The following TATDN1 variants were observed in gnomAD, a reference collection of about 807,000 sequenced individuals.
TATDN1 encodes the protein TatD DNase domain containing 1.
TATDN1 carries 40 observed loss-of-function variants against 46.4 expected under a neutral mutation model. The ratio of observed to expected loss-of-function variants is 0.86; its 90% CI spans 0.67 to 1.12. The LOEUF (loss-of-function observed/expected upper bound fraction) is 1.12, where lower values mean the gene tolerates loss of function less well. TATDN1 is among the 50% of genes most tolerant of loss of function. TATDN1 has a pLI of 0.00. For synonymous variants in TATDN1, 95 were observed against 105.6 expected (o/e 0.90, Z 0.62); for missense variants, 326 against 348.4 (o/e 0.94, Z 0.51).
intron 4 of TATDN1, 57 bp downstream of exon 4, chr8:124,518,761 G>C (rs1315957909): frequency 7.7e-7 from 1 of 1,292,840 alleles, no homozygotes; most frequent in Non-Finnish European, 1.1e-6. Context: ...TTTTCAGAAA[G>C]ACTTCTTCAA....
intron 1 of TATDN1, among the ~76,000 whole-genome samples, chr8:124,526,246 G>A (rs904448478): frequency 1.3e-5 from 2 of 152,324 alleles, no homozygotes; most frequent in African/African-American, 4.8e-5. Flanking sequence ...AAGGCAACTT[G>A]GAAGTGTGTC....
chr8:124,513,594 G>A (rs1819215333), intron 6 of TATDN1, among the ~76,000 whole-genome samples: 1 of 152,312 alleles, frequency 6.6e-6, no homozygotes, highest in Admixed American at 6.5e-5. Context: ...AAGATCAGAC[G>A]CTATTCTGAT....
In TATDN1 at chr8:124,530,733, T is replaced by G. The variant is rs775980512; in HGVS notation, c.23-7731A>C. On this transcript the variant is annotated intron_variant, in intron 1 of 11. Coordinates refer to ENST00000276692, the MANE Select transcript of TATDN1 (RefSeq NM_032026.4). The stretch of plus-strand genomic sequence containing the variant: ...CACAGGTAGCTAAACATCGAAGTTA[T>G]CTAGCAGAAAGGCATGGAACAAATT... Among the ~76,000 whole-genome samples the G allele has an allele frequency of 1.3e-4, 20 of 152,202 alleles. 1 individual carries two copies. Among genetic ancestry groups the G allele is most frequent in the Non-Finnish European group, 5.9e-5 (4 of 68,042 alleles).
chr8:124,499,797 G>A (rs567671931), intron 9 of TATDN1, among the ~76,000 whole-genome samples: 64 of 151,620 alleles, frequency 4.2e-4, no homozygotes, highest in African/African-American at 1.5e-3. Flanking sequence ...GCCCACCTCA[G>A]CCTCCCAAAG....
intron 3 of TATDN1, among the ~76,000 whole-genome samples, chr8:124,519,091 G>A (rs1271632513): frequency 6.6e-6 from 1 of 152,172 alleles, no homozygotes; most frequent in Non-Finnish European, 1.5e-5. Context: ...GTGTGTGCAT[G>A]TAGAGGTGCA....
intron 11 of TATDN1, among the ~76,000 whole-genome samples, chr8:124,493,280 G>A (rs545585729): frequency 1.8e-4 from 28 of 152,234 alleles, no homozygotes; most frequent in African/African-American, 5.5e-4. Flanking sequence ...TTATCTGTTT[G>A]TGCAAACAAA....
rs28403108 is a variant in TATDN1 at position 124,508,404 on chromosome 8, C to G, written c.516+70G>C. ...GGTTCAGATTTTGGAGCATTTTGTACTTGGGAGTATTTTGGATTTTTGGAT... is the reference window on the plus strand; with the variant it reads ...GGTTCAGATTTTGGAGCATTTTGTAGTTGGGAGTATTTTGGATTTTTGGAT... On this transcript the variant is annotated intron_variant, in intron 8 of 11. Coordinates refer to ENST00000276692, the MANE Select transcript of TATDN1 (RefSeq NM_032026.4). 3.8e-4 allele frequency: 505 copies of G among 1,346,370 alleles called. 1 individual carries two copies. The African/African-American group carries it at 5.7e-3, about 15-fold the overall frequency. The allele number at this position is 1,346,370 out of a possible 1,614,324, so 83.4% of individuals were successfully genotyped here. A position where few individuals can be genotyped will look rare whatever the true frequency, so the allele number is the denominator to read the frequency against.
chr8:124,498,018 T>C (rs1817631778), intron 9 of TATDN1, among the ~76,000 whole-genome samples: 1 of 152,246 alleles, frequency 6.6e-6, no homozygotes, highest in Admixed American at 6.5e-5. Context: ...ATTCTGTTCA[T>C]ATTTCATGTC....
chr8:124,504,033 C>A (rs1818197721), intron 9 of TATDN1: 4 of 1,021,498 alleles, frequency 3.9e-6, no homozygotes, highest in Admixed American at 2.5e-5. Context: ...GATCTCAACA[C>A]AAAATTGTTT....
At chr8:124,498,052 G>A (rs2131365708) in intron 9 of TATDN1, among the ~76,000 whole-genome samples, 1 of 152,166 alleles carries the variant, frequency 6.6e-6, no homozygotes, top group East Asian at 1.9e-4. Context: ...ATCCCACTAT[G>A]TTGGGTCGCA....
intron 2 of TATDN1, among the ~76,000 whole-genome samples, chr8:124,522,705 C>A (rs1820154501): frequency 6.6e-6 from 1 of 152,130 alleles, no homozygotes; most frequent in Non-Finnish European, 1.5e-5. Flanking sequence ...AGGCATGAGC[C>A]ACTGCGCCCA....
At chr8:124,499,044 T>G (rs1304724741) in intron 9 of TATDN1, among the ~76,000 whole-genome samples, 4 of 151,530 alleles carry the variant, frequency 2.6e-5, no homozygotes, top group African/African-American at 4.9e-5. Flanking sequence ...GAGGATGCTG[T>G]GGCAGGACCA....
intron 1 of TATDN1, among the ~76,000 whole-genome samples, chr8:124,532,456 G>T (rs1463954472): frequency 1.3e-5 from 2 of 152,096 alleles, no homozygotes; most frequent in African/African-American, 2.4e-5. Context: ...GCTAATTTTT[G>T]TGTTTTTTAT....
At chr8:124,520,106 A>C (rs1819894314) in intron 3 of TATDN1, among the ~76,000 whole-genome samples, 1 of 152,226 alleles carries the variant, frequency 6.6e-6, no homozygotes, top group South Asian at 2.1e-4. Flanking sequence ...CCATTCCGGA[A>C]ACATAGCCAT....
intron 10 of TATDN1, 175 bp downstream of exon 10, chr8:124,495,297 A>G (rs3812470): frequency 0.086 from 51,848 of 604,072 alleles, 2,600 homozygotes; most frequent in East Asian, 0.19. Context: ...AATCATTTGC[A>G]TATGTTTTTC....
chr8:124,530,174 C>T (rs1820839158), intron 1 of TATDN1, among the ~76,000 whole-genome samples: 1 of 152,066 alleles, frequency 6.6e-6, no homozygotes, highest in South Asian at 2.1e-4. Flanking sequence ...GTTAAAAACA[C>T]AGGACACATC....
At chr8:124,538,285 C>T (rs1393491440) in intron 1 of TATDN1, 1 of 152,306 alleles carries the variant, frequency 6.6e-6, no homozygotes, top group Non-Finnish European at 1.5e-5. Context: ...GCTTCCCTAC[C>T]TCTCCCTATT....
chr8:124,504,310 G>C lies in TATDN1; in HGVS notation c.554C>G (p.Ala185Gly). The C allele has an allele frequency of 6.2e-7, 1 of 1,608,660 alleles. No homozygotes were observed. The highest frequency in any genetic ancestry group is 8.5e-7 in the Non-Finnish European group (1 of 1,177,706). The stretch of plus-strand genomic sequence containing the variant: ...TATATAAAGATCCAAGTCAATCAAA[G>C]CAGCTGCTGCTTCCTTGGTACCATC... ...SFDGTKEAAA[A>G]LIDLDLYIGF... Residue 185 changes from alanine (A) to glycine (G), a missense_variant, in exon 9 of 12, where the codon GCT (alanine) becomes GGT (glycine). Coordinates refer to ENST00000276692, the MANE Select transcript of TATDN1 (RefSeq NM_032026.4).
chr8:124,503,982 G>A, intron 9 of TATDN1: 1 of 1,292,636 alleles, frequency 7.7e-7, no homozygotes, highest in Non-Finnish European at 1.0e-6. Context: ...GGGATCAAAT[G>A]ACCTGAGAAT....
Sources: gnomAD v4.1 joint callset for allele counts (sites outside exome capture counted in the v4.1 genomes callset) on GRCh38, gnomAD v4.1.1 for gene constraint, MANE v1.5 for transcripts, NCBI Gene and HGNC (gene_info 2026-07-23, HGNC 2026-07-21) for gene names.